The following ASTN2 variants were observed in gnomAD, a reference collection of about 807,000 sequenced individuals.
The protein encoded by ASTN2 is astrotactin-2.
A neutral mutation model predicts 139.8 loss-of-function variants in ASTN2; 54 were observed. The observed-to-expected ratio is 0.39, with a 90% confidence interval of 0.31 to 0.48. The LOEUF (loss-of-function observed/expected upper bound fraction) is 0.48, where lower values mean the gene tolerates loss of function less well. Among genes scored for constraint, ASTN2 ranks in the 20% least tolerant of loss-of-function variants. The probability of loss-of-function intolerance (pLI) is 0.95; values close to 1 mark genes in which losing one functional copy is unlikely to be tolerated. For synonymous variants in ASTN2, 756 were observed against 719.5 expected (o/e 1.05, Z -0.81); for missense variants, 1,565 against 1,725.1 (o/e 0.91, Z 1.64).
Position 117,344,874 on chromosome 9 carries a change from G to T in ASTN2, c.443-53361C>A, listed in dbSNP as rs144697662. Among the ~76,000 whole-genome samples the T allele has an allele frequency of 2.7e-3, 410 of 152,196 alleles. 4 individuals are homozygous for T. Among genetic ancestry groups the T allele is most frequent in the African/African-American group, 9.5e-3 (393 of 41,530 alleles). ...CTTCCATTGCTCATTTTTCCTAAAG[G>T]CCCTGATGTATTTTTCATCCAAACA... On this transcript the variant is annotated intron_variant, in intron 1 of 22. Transcript: ENST00000313400.
chr9:117,142,402 C>T (rs943284144), intron 3 of ASTN2, among the ~76,000 whole-genome samples: 5 of 152,100 alleles, frequency 3.3e-5, no homozygotes, highest in Non-Finnish European at 7.4e-5. Flanking sequence ...GACACAATAT[C>T]TTAGGAGACA....
chr9:117,182,233 C>CAAAA (rs34087415), intron 3 of ASTN2, among the ~76,000 whole-genome samples: 2 of 117,004 alleles, frequency 1.7e-5, no homozygotes. Context: ...GCATGCCTTC[C>CAAAA]AAAAAAAAAA....
intron 3 of ASTN2, among the ~76,000 whole-genome samples, chr9:117,186,309 G>A (rs2132956588): frequency 6.6e-6 from 1 of 152,314 alleles, no homozygotes; most frequent in South Asian, 2.1e-4. Flanking sequence ...CACTTTGGGA[G>A]GCTGAGGCGG....
intron 19 of ASTN2, among the ~76,000 whole-genome samples, chr9:116,511,154 CT>C (rs1227305988): frequency 6.6e-6 from 1 of 152,064 alleles, no homozygotes; most frequent in African/African-American, 2.4e-5. Flanking sequence ...ATAGATAGCT[CT>C]TATTATTTTG....
At chr9:116,997,999 T>C (rs1051538827) in intron 7 of ASTN2, among the ~76,000 whole-genome samples, 17 of 152,226 alleles carry the variant, frequency 1.1e-4, no homozygotes, top group African/African-American at 4.1e-4. Context: ...ATGGGATTTA[T>C]GAGTTACTGA....
intron 13 of ASTN2, among the ~76,000 whole-genome samples, chr9:116,746,083 C>CTTTT (rs745554164): frequency 2.4e-5 from 3 of 124,258 alleles, no homozygotes; most frequent in African/African-American, 9.0e-5. Flanking sequence ...AAACTGAGTA[C>CTTTT]TTTTTTTTTT....
chr9:117,324,674 GA>G (rs991234248), intron 1 of ASTN2, among the ~76,000 whole-genome samples: 87 of 152,032 alleles, frequency 5.7e-4, no homozygotes, highest in Non-Finnish European at 1.1e-3. Flanking sequence ...CAAAAAACTA[GA>G]AAAAAAATTA....
chr9:116,708,624 G>A (rs78606537), intron 16 of ASTN2, among the ~76,000 whole-genome samples: 4,003 of 152,184 alleles, frequency 0.026, 61 homozygotes, highest in Non-Finnish European at 0.035. Flanking sequence ...AAGAGCTCAC[G>A]AAAAAGGGAT....
Position 117,219,119 on chromosome 9 carries a change from T to C in ASTN2, c.631-4377A>G, listed in dbSNP as rs539000961. ...GAGAACCATCTGGCTGCTTCTGTCA[T>C]AGTGAGACATCTCACCCAAAGAATG... On this transcript the variant is annotated intron_variant, in intron 2 of 22. Transcript: ENST00000313400. Among the ~76,000 whole-genome samples the C allele has an allele frequency of 1.7e-4, 26 of 152,280 alleles. 1 individual carries two copies. The highest frequency in any genetic ancestry group is 6.0e-4 in the African/African-American group (25 of 41,558).
intron 20 of ASTN2, among the ~76,000 whole-genome samples, chr9:116,458,489 T>C (rs1301701258): frequency 6.6e-6 from 1 of 151,842 alleles, no homozygotes; most frequent in Non-Finnish European, 1.5e-5. Context: ...CATAAATATA[T>C]ACACCTACTA....
chr9:117,268,341 C>T (rs1490911046), intron 2 of ASTN2, among the ~76,000 whole-genome samples: 1 of 152,130 alleles, frequency 6.6e-6, no homozygotes, highest in Non-Finnish European at 1.5e-5. Context: ...ATCCCTGACC[C>T]CAGGGACTTA....
chr9:117,414,651 G>T lies in ASTN2; in HGVS notation c.288C>A (p.Ala96=). The T allele has an allele frequency of 7.3e-7, 1 of 1,361,262 alleles. No homozygotes were observed. Among genetic ancestry groups the T allele is most frequent in the East Asian group, 3.1e-5 (1 of 31,852 alleles). The allele number at this position is 1,361,262 out of a possible 1,614,324, so 84.3% of individuals were successfully genotyped here. The change falls in exon 1 of 23, where the codon GCC becomes GCA. Residue 96 remains alanine (A), a synonymous_variant. Coordinates refer to ENST00000313400, the MANE Select transcript of ASTN2 (RefSeq NM_001365068.1). This position sits in a 1 kb window ranked among gnomAD's most constrained non-coding sequence, Gnocchi z 4.2. ...ARAGAGAGTG[A]GAAAAAASPG... ...GGGACGCGGCGGCGGCGGCGGCTCC[G>T]GCCCCGGTCCCAGCCCCGGCCCCGG...
At chr9:116,443,989 C>T (rs1847913030) in intron 20 of ASTN2, among the ~76,000 whole-genome samples, 2 of 152,124 alleles carry the variant, frequency 1.3e-5, no homozygotes, top group African/African-American at 4.8e-5. Flanking sequence ...GTTGGTGATA[C>T]AAATTAATTA....
chr9:116,936,203 TCAC>T (rs2132461161), intron 10 of ASTN2, among the ~76,000 whole-genome samples: 1 of 53,140 alleles, frequency 1.9e-5, no homozygotes, highest in East Asian at 6.7e-4. Context: ...ACCACAACCA[TCAC>T]CATCACCACC....
chr9:117,353,818 A>T (rs993085309), intron 1 of ASTN2, among the ~76,000 whole-genome samples: 2 of 152,164 alleles, frequency 1.3e-5, no homozygotes, highest in African/African-American at 4.8e-5. Context: ...CACACACTCT[A>T]TGCATCCAAC....
At chr9:117,241,562 A>G (rs1564499262) in intron 2 of ASTN2, among the ~76,000 whole-genome samples, 2 of 152,118 alleles carry the variant, frequency 1.3e-5, no homozygotes, top group African/African-American at 2.4e-5. Context: ...GGAGTGTGCA[A>G]CCTAGATCCC....
At chr9:117,118,568 G>T (rs1350053914) in intron 4 of ASTN2, among the ~76,000 whole-genome samples, 1 of 152,136 alleles carries the variant, frequency 6.6e-6, no homozygotes. Flanking sequence ...ATGCACAAAA[G>T]TTAGAGAGGT....
chr9:116,830,817 A>G (rs1277162110), intron 11 of ASTN2, among the ~76,000 whole-genome samples: 4 of 151,892 alleles, frequency 2.6e-5, no homozygotes, highest in Non-Finnish European at 5.9e-5. Flanking sequence ...AAGAAGAAGA[A>G]AAAAAGAAAG....
At chr9:116,548,734 A>C (rs1179981628) in intron 19 of ASTN2, among the ~76,000 whole-genome samples, 1 of 152,142 alleles carries the variant, frequency 6.6e-6, no homozygotes, top group African/African-American at 2.4e-5. Flanking sequence ...TCAGCCTCCC[A>C]AAGTGCTGGG....
Sources: gnomAD v4.1 joint callset for allele counts (sites outside exome capture counted in the v4.1 genomes callset) on GRCh38, gnomAD v4.1.1 for gene constraint, Gnocchi (gnomAD v3.1) non-coding constraint, MANE v1.5 for transcripts, NCBI Gene and HGNC (gene_info 2026-07-23, HGNC 2026-07-21) for gene names.